The following PRIM1 variants were observed in gnomAD, a reference collection of about 807,000 sequenced individuals.
PRIM1 encodes DNA primase small subunit.
A neutral mutation model predicts 60.2 loss-of-function variants in PRIM1; 38 were observed. That is an observed-to-expected ratio of 0.63 (90% CI 0.49 to 0.83). The LOEUF is 0.83. Ranked by LOEUF, PRIM1 falls within the 40% of genes least tolerant of loss-of-function variation. The pLI is 0.00. For missense variants in PRIM1, 388 were observed against 506.2 expected (o/e 0.77, Z 2.24); for synonymous variants, 158 against 160.2 (o/e 0.99, Z 0.10).
chr12:56,746,018 T>G, intron 5 of PRIM1, 27 bp downstream of exon 5: 2 of 1,577,848 alleles, frequency 1.3e-6, no homozygotes, highest in South Asian at 2.4e-5. Flanking sequence ...ACTAAAGCAA[T>G]GCAAATTAGA....
At chr12:56,750,743 C>T (rs1480920973) in intron 2 of PRIM1, among the ~76,000 whole-genome samples, 2 of 152,066 alleles carry the variant, frequency 1.3e-5, no homozygotes, top group African/African-American at 4.8e-5. Flanking sequence ...GCGCGTACCA[C>T]CACGCCCGGC....
At chr12:56,740,541 A>T (rs985153887) in intron 9 of PRIM1, among the ~76,000 whole-genome samples, 6 of 152,074 alleles carry the variant, frequency 3.9e-5, no homozygotes, top group African/African-American at 1.4e-4. Flanking sequence ...GCACTTTGGG[A>T]GACTGGGGCA....
At chr12:56,736,710 G>T (rs74608791) in intron 11 of PRIM1, among the ~76,000 whole-genome samples, 12,301 of 152,006 alleles carry the variant, frequency 0.081, 1,114 homozygotes, top group African/African-American at 0.22. Flanking sequence ...AACCGTGTTG[G>T]CCAGGCTGGT....
rs1211592251 is a variant in PRIM1 at position 56,746,859 on chromosome 12, AG to A, written c.369-6del. On this transcript the variant is annotated splice_polypyrimidine_tract_variant and splice_region_variant and intron_variant, in intron 3 of 12. Transcript: ENST00000338193. ...TTAGGACATATGTCTGCAGAACTAAAGCAGAGTCATCATTACTCATTGTCAG... is the reference window on the plus strand; with the variant it reads ...TTAGGACATATGTCTGCAGAACTAAACAGAGTCATCATTACTCATTGTCAG... 4 of 1,613,740 alleles carry A rather than the reference AG, an allele frequency of 2.5e-6. No individual in the cohort carries two copies. The East Asian group carries it at 8.9e-5, about 36-fold the overall frequency.
At chr12:56,733,857 C>G (rs1953803219) in intron 12 of PRIM1, among the ~76,000 whole-genome samples, 1 of 152,266 alleles carries the variant, frequency 6.6e-6, no homozygotes, top group South Asian at 2.1e-4. Context: ...TCCCAAAGTG[C>G]TGGGATTACA....
intron 9 of PRIM1, among the ~76,000 whole-genome samples, chr12:56,740,684 C>T (rs768847283): frequency 6.6e-5 from 10 of 152,100 alleles, no homozygotes; most frequent in African/African-American, 2.4e-4. Flanking sequence ...GCAGAAGGAT[C>T]GCTTGAGCCG....
chr12:56,740,161 AAAAC>A (rs1222289583), intron 9 of PRIM1, among the ~76,000 whole-genome samples: 1 of 151,826 alleles, frequency 6.6e-6, no homozygotes, highest in East Asian at 1.9e-4. Context: ...AAAAAAAACA[AAAAC>A]AAAAACCAAT....
chr12:56,748,103 C>T (rs970893043), intron 2 of PRIM1, among the ~76,000 whole-genome samples: 1 of 152,168 alleles, frequency 6.6e-6, no homozygotes, highest in African/African-American at 2.4e-5. Context: ...ACTGCTCTTT[C>T]ATTTCCCTGG....
At chr12:56,736,878 T>G (rs1953836846) in intron 11 of PRIM1, among the ~76,000 whole-genome samples, 1 of 152,042 alleles carries the variant, frequency 6.6e-6, no homozygotes, top group Non-Finnish European at 1.5e-5. Context: ...CAAGGCTTAC[T>G]GCAGCCTTAA....
rs1456580137 is a variant in PRIM1 at position 56,734,186 on chromosome 12, G to A, written c.1204C>T (p.Leu402=). ...AGTTCTCCTTTTCGGGATTTATCCA[G>A]ATTTTCAAGAAAATGTTCAAAAACT... The part of the protein sequence containing the change: ...VKVFEHFLEN[L]DKSRKGELLK... The change falls in exon 12 of 13, where the codon CTG becomes TTG. Residue 402 remains leucine (L), a synonymous_variant. Transcript: ENST00000338193. 1.9e-6 allele frequency: 3 copies of A among 1,609,188 alleles called. No individual in the cohort carries two copies. The highest frequency in any genetic ancestry group is 2.6e-6 in the Non-Finnish European group (3 of 1,176,260).
At chr12:56,749,285 A>G (rs1953929827) in intron 2 of PRIM1, among the ~76,000 whole-genome samples, 1 of 152,200 alleles carries the variant, frequency 6.6e-6, no homozygotes, top group Admixed American at 6.6e-5. Context: ...CTAGAGTTAC[A>G]GGTGTGAACC....
At chr12:56,743,733 T>C (rs1043092926) in intron 6 of PRIM1, 7 of 215,722 alleles carry the variant, frequency 3.2e-5, no homozygotes, top group Non-Finnish European at 6.4e-5. Context: ...GGAGTAGGCT[T>C]TACAGTCAGG....
chr12:56,746,864 A>G lies in PRIM1; in HGVS notation c.369-10T>C. Reference sequence around the variant, plus strand: ...ACATATGTCTGCAGAACTAAAGCAGAGTCATCATTACTCATTGTCAGTGAT... The same window carrying G: ...ACATATGTCTGCAGAACTAAAGCAGGGTCATCATTACTCATTGTCAGTGAT... On this transcript the variant is annotated splice_polypyrimidine_tract_variant and intron_variant, in intron 3 of 12. Transcript: ENST00000338193. 2 of 1,613,810 alleles carry G rather than the reference A, an allele frequency of 1.2e-6. No individual in the cohort carries two copies. Among genetic ancestry groups the G allele is most frequent in the Non-Finnish European group, 1.7e-6 (2 of 1,179,778 alleles).
chr12:56,739,323 C>T lies in PRIM1; in HGVS notation c.1023G>A (p.Gln341=). 6.3e-7 allele frequency: 1 copy of T among 1,581,760 alleles called. No homozygotes were observed. Among genetic ancestry groups the T allele is most frequent in the Non-Finnish European group, 8.6e-7 (1 of 1,158,964 alleles). ...TGGTCGGAACAGTAAATGGATCAAA[C>T]TGGTCCACTTTCTGCAAATCAATAG... ...SVPIDLQKVD[Q]FDPFTVPTIS... The change falls in exon 10 of 13, where the codon CAG becomes CAA. Residue 341 remains glutamine, a synonymous_variant. Coordinates refer to ENST00000338193, the MANE Select transcript of PRIM1 (RefSeq NM_000946.3).
Position 56,744,060 on chromosome 12 carries a change from C to T in PRIM1, c.638+5G>A. The stretch of plus-strand genomic sequence containing the variant: ...TTAAAGTGCTTGGAGACTTTTCCAA[C>T]AGACCTGATAAAAGGGTGAATTTTT... On this transcript the variant is annotated splice_donor_5th_base_variant and intron_variant, in intron 6 of 12. Transcript: ENST00000338193. 1 of 1,564,148 alleles carries T rather than the reference C, an allele frequency of 6.4e-7. No individual in the cohort carries two copies. The highest frequency in any genetic ancestry group is 8.7e-7 in the Non-Finnish European group (1 of 1,150,144).
At chr12:56,732,451 G>C (rs1048932907) in intron 12 of PRIM1, among the ~76,000 whole-genome samples, 15 of 152,068 alleles carry the variant, frequency 9.9e-5, no homozygotes, top group African/African-American at 3.1e-4. Context: ...TGGCAATAGC[G>C]CAGTTGGCCT....
At chr12:56,737,231 TCATCCTGGAACCATCCC>T in intron 11 of PRIM1, among the ~76,000 whole-genome samples, 1 of 152,260 alleles carries the variant, frequency 6.6e-6, no homozygotes, top group East Asian at 1.9e-4. Context: ...TAAAAAAGTT[TCATCCTGGAACCATCCC>T]CAACTCCTCC....
chr12:56,740,296 TAGTG>T (rs1953862397), intron 9 of PRIM1, among the ~76,000 whole-genome samples: 1 of 152,130 alleles, frequency 6.6e-6, no homozygotes, highest in South Asian at 2.1e-4. Flanking sequence ...ATCTCAGAGT[TAGTG>T]AGTCCTGAAA....
At chr12:56,740,150 G>GA (rs1262580145) in intron 9 of PRIM1, among the ~76,000 whole-genome samples, 10 of 150,490 alleles carry the variant, frequency 6.6e-5, no homozygotes, top group Non-Finnish European at 7.4e-5. Context: ...AAAAAGGAAA[G>GA]AAAAAAAACA....
Sources: allele counts gnomAD v4.1 joint callset (sites outside exome capture counted in the v4.1 genomes callset), GRCh38; gene constraint gnomAD v4.1.1; transcripts MANE v1.5; gene names NCBI Gene and HGNC (gene_info 2026-07-23, HGNC 2026-07-21).